Variants in KHDRBS1 observed in about 807,000 individuals in gnomAD.
The protein encoded by KHDRBS1 is KH domain-containing, RNA-binding, signal transduction-associated protein 1.
In KHDRBS1, 7 loss-of-function variants were observed where a neutral mutation model predicts 48.4. That is an observed-to-expected ratio of 0.14 (90% confidence interval 0.08 to 0.27). The LOEUF (loss-of-function observed/expected upper bound fraction) is 0.27, where lower values mean the gene tolerates loss of function less well. KHDRBS1 is among the 10% of genes least tolerant of loss of function. KHDRBS1 has a pLI of 1.00. For synonymous variants in KHDRBS1, 241 were observed against 235.8 expected (o/e 1.02, Z -0.20); for missense variants, 458 against 601.2 (o/e 0.76, Z 2.49).
At chr1:32,039,728 GC>G (rs1639248186) in intron 8 of KHDRBS1, among the ~76,000 whole-genome samples, 155 bp downstream of exon 8, 1 of 152,122 alleles carries the variant, frequency 6.6e-6, no homozygotes, top group Non-Finnish European at 1.5e-5. Context: ...TTCTGCTCTT[GC>G]TTAAATTTTG....
intron 1 of KHDRBS1, among the ~76,000 whole-genome samples, chr1:32,029,835 T>C (rs1334230493): frequency 6.6e-6 from 1 of 152,134 alleles, no homozygotes; most frequent in East Asian, 1.9e-4. Flanking sequence ...AAGAATAAGG[T>C]CTTTCAGACT....
rs770784790 is a variant in KHDRBS1, at chr1:32,038,617, A to G, written c.1173A>G (p.Gln391=). 6.8e-6 allele frequency: 11 copies of G among 1,613,782 alleles called. No homozygotes were observed. Among genetic ancestry groups the G allele is most frequent in the Non-Finnish European group, 8.5e-6 (10 of 1,179,832 alleles). The part of the protein sequence containing the change: ...EGYEGYYSQS[Q]GDSEYYDYGH... Reference sequence around the variant, plus strand: ...ACGAAGGCTATTACAGCCAGAGTCAAGGGTGAGTCAGGCAGTATAAGCACT... The same window carrying G: ...ACGAAGGCTATTACAGCCAGAGTCAGGGGTGAGTCAGGCAGTATAAGCACT... Residue 391 remains glutamine, a splice_region_variant and synonymous_variant, in exon 7 of 9, where the codon CAA becomes CAG. Transcript: ENST00000327300.
At chr1:32,052,382 TTAAAC>T (rs973454492) in intron 10 of KHDRBS1, 9 of 151,962 alleles carry the variant, frequency 5.9e-5, no homozygotes, top group Admixed American at 3.9e-4. Context: ...AAGCTGCCAA[TTAAAC>T]TGACATAGTG....
At chr1:32,045,729 A>G (rs1389913140), downstream of KHDRBS1, among the ~76,000 whole-genome samples, 2 of 152,228 alleles carry the variant, frequency 1.3e-5, no homozygotes, top group African/African-American at 4.8e-5. Flanking sequence ...TAAGGGCTCA[A>G]TGTTCAGTGC....
At chr1:32,033,125 A>G (rs989994903) in intron 3 of KHDRBS1, 63 bp from the exon 4 acceptor site, 6 of 1,325,202 alleles carry the variant, frequency 4.5e-6, no homozygotes, top group East Asian at 2.3e-5. Flanking sequence ...CCTTTGGCTT[A>G]GAGGTAAAGG....
chr1:32,048,553 T>C (rs1283608843), downstream of KHDRBS1, among the ~76,000 whole-genome samples: 1 of 152,222 alleles, frequency 6.6e-6, no homozygotes, highest in Non-Finnish European at 1.5e-5. Flanking sequence ...ATGTGGCCTT[T>C]AGCTTACCAG....
At chr1:32,039,467 A>G in intron 7 of KHDRBS1, 48 bp from the exon 8 acceptor site, 1 of 866,248 alleles carries the variant, frequency 1.2e-6, no homozygotes, top group Non-Finnish European at 2.0e-6. Context: ...GAGAAAGTTG[A>G]AACATAGTTA....
intron 1 of KHDRBS1, among the ~76,000 whole-genome samples, chr1:32,020,616 T>TAAAAAAA (rs970503623): frequency 2.6e-5 from 2 of 77,508 alleles, no homozygotes; most frequent in African/African-American, 3.8e-5. Flanking sequence ...TACTGTGCAA[T>TAAAAAAA]AAAAAAAAAA....
chr1:32,056,750 A>G (rs1356858848), intron 10 of KHDRBS1, among the ~76,000 whole-genome samples: 1 of 152,210 alleles, frequency 6.6e-6, no homozygotes, highest in Non-Finnish European at 1.5e-5. Flanking sequence ...TTATGCTCTG[A>G]TGTGATTCTT....
chr1:32,024,461 C>A (rs1638923056), intron 1 of KHDRBS1, among the ~76,000 whole-genome samples: 1 of 151,840 alleles, frequency 6.6e-6, no homozygotes, highest in Non-Finnish European at 1.5e-5. Context: ...CAGTTGTACG[C>A]CACCACACTG....
intron 1 of KHDRBS1, among the ~76,000 whole-genome samples, chr1:32,027,817 T>C (rs1569783833): frequency 6.6e-6 from 1 of 152,244 alleles, no homozygotes; most frequent in East Asian, 1.9e-4. Context: ...TAAATATTTA[T>C]TTTAAAAACT....
chr1:32,031,453 G>A (rs1041585268), intron 2 of KHDRBS1, 71 bp from the exon 3 acceptor site: 6 of 937,512 alleles, frequency 6.4e-6, no homozygotes, highest in South Asian at 3.2e-5. Flanking sequence ...TTAAAATCAA[G>A]TGAGGTAATT....
intron 1 of KHDRBS1, among the ~76,000 whole-genome samples, chr1:32,025,263 T>C (rs1284131495): frequency 8.8e-6 from 1 of 113,542 alleles, no homozygotes; most frequent in Non-Finnish European, 1.7e-5. Context: ...AGACCCTATC[T>C]CAAAAAAAAA....
At chr1:32,046,804 G>A (rs1218739486), downstream of KHDRBS1, among the ~76,000 whole-genome samples, 1 of 152,172 alleles carries the variant, frequency 6.6e-6, no homozygotes, top group Non-Finnish European at 1.5e-5. Context: ...TTCCAAGCCT[G>A]CCTCTCAGCC....
At chr1:32,033,596 G>T (rs1270060235) in intron 4 of KHDRBS1, among the ~76,000 whole-genome samples, 2 of 152,132 alleles carry the variant, frequency 1.3e-5, no homozygotes, top group African/African-American at 4.8e-5. Flanking sequence ...TCCACAGTGT[G>T]CCTGCATTCT....
chr1:32,031,112 T>C (rs1639073928), intron 2 of KHDRBS1, among the ~76,000 whole-genome samples: 1 of 152,044 alleles, frequency 6.6e-6, no homozygotes, highest in African/African-American at 2.4e-5. Context: ...AGCCTGGTGT[T>C]GTGGTGTGCA....
At chr1:32,025,457 T>C (rs989017464) in intron 1 of KHDRBS1, among the ~76,000 whole-genome samples, 1 of 151,298 alleles carries the variant, frequency 6.6e-6, no homozygotes, top group African/African-American at 2.4e-5. Context: ...CACGCCACCA[T>C]GCCCAGCTCA....
chr1:32,044,526 C>T (rs1042361465), downstream of KHDRBS1, among the ~76,000 whole-genome samples: 1 of 152,206 alleles, frequency 6.6e-6, no homozygotes, highest in African/African-American at 2.4e-5. Flanking sequence ...CCTAAGAGAG[C>T]CACCTAAACT....
chr1:32,042,677 T>C lies in KHDRBS1; in HGVS notation c.*53T>C. 1 of 1,107,184 alleles carries C rather than the reference T, an allele frequency of 9.0e-7. No homozygotes were observed. Among genetic ancestry groups the C allele is most frequent in the Admixed American group, 1.8e-5 (1 of 56,208 alleles). 68.6% of individuals were successfully genotyped at this position (1,107,184 alleles called of 1,614,324 possible). On this transcript the variant is annotated 3_prime_UTR_variant, in exon 9 of 9. Coordinates refer to ENST00000327300, the MANE Select transcript of KHDRBS1 (RefSeq NM_006559.3). ...TATGAGCAAAGTTGTTACTGATTTC[T>C]TGTATCTCCCAGGATTCCTGTTGCT... is the stretch of plus-strand genomic sequence containing the variant.
Sources: allele counts gnomAD v4.1 joint callset (sites outside exome capture counted in the v4.1 genomes callset), GRCh38; gene constraint gnomAD v4.1.1; transcripts MANE v1.5; gene names NCBI Gene and HGNC (gene_info 2026-07-23, HGNC 2026-07-21).